Variants in MCCC2 observed in about 807,000 individuals in gnomAD.
MCCC2 encodes the protein methylcrotonyl-CoA carboxylase subunit 2, also known as methylcrotonoyl-CoA carboxylase beta chain, mitochondrial.
Under a neutral mutation model 77.2 loss-of-function variants are expected in MCCC2, and 52 were observed. The observed-to-expected ratio is 0.67, with a 90% CI of 0.54 to 0.85. The LOEUF is 0.85. Ranked by LOEUF, MCCC2 falls within the 40% of genes least tolerant of loss-of-function variation. The pLI, the probability that MCCC2 is intolerant of heterozygous loss-of-function variation, is 0.00. For synonymous variants in MCCC2, 253 were observed against 248.4 expected, an observed-to-expected ratio of 1.02 and a Z score of -0.18; for missense variants, 682 against 703.2, an observed-to-expected ratio of 0.97 and a Z score of 0.34.
chr5:71,610,335 G>A (rs997957032), intron 6 of MCCC2, among the ~76,000 whole-genome samples: 60 of 152,254 alleles, frequency 3.9e-4, no homozygotes, highest in African/African-American at 1.4e-3. Context: ...GATTTTCCAG[G>A]TGCGTCCGTC....
At chr5:71,601,306 T>C (rs980470381) in intron 4 of MCCC2, among the ~76,000 whole-genome samples, 7 of 152,188 alleles carry the variant, frequency 4.6e-5, no homozygotes, top group Non-Finnish European at 7.3e-5. Context: ...CAGCCTGGCC[T>C]CTTTCCAGTA....
chr5:71,589,940 T>G (rs1744909962), intron 1 of MCCC2, among the ~76,000 whole-genome samples: 1 of 152,168 alleles, frequency 6.6e-6, no homozygotes, highest in East Asian at 1.9e-4. Flanking sequence ...ATAATGCTTC[T>G]CACTCACCCA....
At chr5:71,631,488 G>A (rs1346694009) in intron 7 of MCCC2, among the ~76,000 whole-genome samples, 1 of 151,648 alleles carries the variant, frequency 6.6e-6, no homozygotes. Context: ...GACCACATGT[G>A]TCAGGGCAGC....
At chr5:71,612,050 C>T (rs547250230) in intron 6 of MCCC2, among the ~76,000 whole-genome samples, 9 of 152,138 alleles carry the variant, frequency 5.9e-5, no homozygotes, top group South Asian at 4.2e-4. Context: ...GTGATCCGCC[C>T]GCCTCGGCCT....
chr5:71,614,897 T>TG (rs1746112402), intron 6 of MCCC2, among the ~76,000 whole-genome samples: 1 of 152,218 alleles, frequency 6.6e-6, no homozygotes, highest in Non-Finnish European at 1.5e-5. Context: ...AACACTAAAA[T>TG]GATGCCAAAA....
rs979584886 is a variant in MCCC2, at chr5:71,652,729, G to A, written c.1549G>A (p.Gly517Arg). The A allele has an allele frequency of 4.3e-6, 7 of 1,613,974 alleles. No individual in the cohort carries two copies. In the African/African-American group the frequency reaches 6.7e-5, roughly 15 times the overall value. The stretch of plus-strand genomic sequence containing the variant: ...CATCATTAAGAAGTTTGAAGAGGAA[G>A]GAAACCCTTACTATTCCAGCGCAAG... ...EPIIKKFEEE[G>R]NPYYSSARVW... Residue 517 changes from glycine (G) to arginine (R), a missense_variant, in exon 16 of 17, where the codon GGA becomes AGA. Gly to Arg is a moderately radical substitution (Grantham distance 125, BLOSUM62 -2). Coordinates refer to ENST00000340941, the MANE Select transcript of MCCC2 (RefSeq NM_022132.5).
At chr5:71,599,786 A>G (rs752109846) in intron 4 of MCCC2, 26 bp downstream of exon 4, 4 of 1,583,368 alleles carry the variant, frequency 2.5e-6, no homozygotes, top group Admixed American at 3.3e-5. Flanking sequence ...GTGCTTCATA[A>G]TGTGGGTTGA....
At chr5:71,629,456 T>C (rs925778385) in intron 7 of MCCC2, among the ~76,000 whole-genome samples, 1 of 152,176 alleles carries the variant, frequency 6.6e-6, no homozygotes. Context: ...AGCCACTGAA[T>C]TGTATGCTTT....
intron 10 of MCCC2, among the ~76,000 whole-genome samples, chr5:71,639,747 A>G (rs2112450595): frequency 6.6e-6 from 1 of 152,346 alleles, no homozygotes; most frequent in South Asian, 2.1e-4. Flanking sequence ...TGGAAGAATG[A>G]TAGTTGTTAC....
At chr5:71,604,519 C>G in intron 6 of MCCC2, 51 bp downstream of exon 6, 2 of 1,347,754 alleles carry the variant, frequency 1.5e-6, no homozygotes, top group South Asian at 1.2e-5. Context: ...TCTTAAGTAT[C>G]TTTACGAATT....
chr5:71,643,786 A>G, intron 11 of MCCC2, 33 bp from the exon 12 acceptor site: 2 of 1,614,054 alleles, frequency 1.2e-6, no homozygotes, highest in Middle Eastern at 1.6e-4. Context: ...GGAAAAGCAC[A>G]AGACATAAAT....
In MCCC2 at chr5:71,646,162, A is replaced by T. The variant is rs192580677; in HGVS notation, c.1150-49A>T. On this transcript the variant is annotated intron_variant, in intron 12 of 16. Coordinates refer to ENST00000340941, the MANE Select transcript of MCCC2 (RefSeq NM_022132.5). ...TGGTGTTTGTAGAATGCATGATGATAATAGAGTTAATTCCCTTTTAAAAAG... is the reference window on the plus strand; with the variant it reads ...TGGTGTTTGTAGAATGCATGATGATTATAGAGTTAATTCCCTTTTAAAAAG... The T allele has an allele frequency of 5.4e-6, 8 of 1,477,754 alleles. No individual in the cohort carries two copies. In the Middle Eastern group the frequency reaches 7.3e-4, roughly 135 times the overall value. The allele number at this position is 1,477,754 out of a possible 1,614,324, so 91.5% of individuals were successfully genotyped here. A position where few individuals can be genotyped will look rare whatever the true frequency, so the allele number is the denominator to read the frequency against.
At chr5:71,620,080 G>A (rs916633327) in intron 6 of MCCC2, among the ~76,000 whole-genome samples, 1 of 152,078 alleles carries the variant, frequency 6.6e-6, no homozygotes, top group Non-Finnish European at 1.5e-5. Flanking sequence ...GAGGCTCTCT[G>A]ACAAAAAGAT....
intron 11 of MCCC2, among the ~76,000 whole-genome samples, chr5:71,643,529 A>G (rs1311820577): frequency 6.6e-6 from 1 of 152,260 alleles, no homozygotes; most frequent in Admixed American, 6.5e-5. Context: ...ACTCAGATAT[A>G]TTAAATGAAT....
intron 10 of MCCC2, 148 bp from the exon 11 acceptor site, chr5:71,640,855 C>A: frequency 1.4e-6 from 1 of 729,386 alleles, no homozygotes; most frequent in Non-Finnish European, 2.4e-6. Context: ...CCAGGCATGT[C>A]AAATGAAATT....
chr5:71,622,020 G>A (rs1039081992), intron 6 of MCCC2, among the ~76,000 whole-genome samples: 9 of 152,096 alleles, frequency 5.9e-5, no homozygotes, highest in Admixed American at 5.9e-4. Flanking sequence ...GGTGCCTCAT[G>A]CCTGTAATCC....
In MCCC2 at chr5:71,599,735, A is replaced by G. The variant is rs1745348611; in HGVS notation, c.358A>G (p.Ile120Val). The stretch of plus-strand genomic sequence containing the variant: ...TGAGGAGGTGCCAGGAGGTGGCATT[A>G]TTACAGGCATTGGAAGAGTATCAGG... ...DNEEVPGGGI[I>V]TGIGRVSGVE... is the part of the protein sequence containing the mutation. Residue 120 changes from isoleucine to valine, a missense_variant, in exon 4 of 17, where the codon ATT (isoleucine) becomes GTT (valine). Ile to Val is a conservative substitution (Grantham distance 29, BLOSUM62 3). Coordinates refer to ENST00000340941, the MANE Select transcript of MCCC2 (RefSeq NM_022132.5). The G allele has an allele frequency of 6.2e-7, 1 of 1,614,008 alleles. No homozygotes were observed. The highest frequency in any genetic ancestry group is 8.5e-7 in the Non-Finnish European group (1 of 1,179,860).
At position 71,607,955 on chromosome 5, in the gene MCCC2, C is replaced by T. The variant is rs370098472; in HGVS notation, c.624+3487C>T. ...GGTCTGAGAGATAGTTTATTATAAT[C>T]TCTGTTCTTTTACATTTGCTGAGGA... On this transcript the variant is annotated intron_variant, in intron 6 of 16. Transcript: ENST00000340941. Among the ~76,000 whole-genome samples the T allele has an allele frequency of 5.9e-3, 829 of 140,920 alleles. 8 individuals carry two copies. The highest frequency in any genetic ancestry group is 0.021 in the African/African-American group (756 of 35,642). The allele number at this position is 140,920 out of a possible 152,430, so 92.4% of individuals were successfully genotyped here. A position where few individuals can be genotyped will look rare whatever the true frequency, so the allele number is the denominator to read the frequency against.
rs189939355 is a variant in MCCC2 at position 71,599,324 on chromosome 5, C to A, written c.282-335C>A. Among the ~76,000 whole-genome samples, 262 of 152,016 alleles carry A rather than the reference C, an allele frequency of 1.7e-3. 2 individuals are homozygous for A. The highest frequency in any genetic ancestry group is 3.5e-3 in the Non-Finnish European group (236 of 67,966). ...GGTGGAGGTTGCAGTGAGCTGAGATCGCGCCACTGCACTCCAGCCTGGGTG... is the reference window on the plus strand; with the variant it reads ...GGTGGAGGTTGCAGTGAGCTGAGATAGCGCCACTGCACTCCAGCCTGGGTG... On this transcript the variant is annotated intron_variant, in intron 3 of 16. Transcript: ENST00000340941.
Sources: allele counts gnomAD v4.1 joint callset (sites outside exome capture counted in the v4.1 genomes callset), GRCh38; gene constraint gnomAD v4.1.1; transcripts MANE v1.5; gene names NCBI Gene and HGNC (gene_info 2026-07-23, HGNC 2026-07-21).